AGBL4: variants seen among roughly 807,000 people sequenced by gnomAD.
The protein encoded by AGBL4 is cytosolic carboxypeptidase 6.
A neutral mutation model predicts 66.4 loss-of-function variants in AGBL4; 58 were observed. That is an observed-to-expected ratio of 0.87 (90% confidence interval 0.71 to 1.09). The LOEUF is 1.09. Among genes scored for constraint, AGBL4 ranks in the 50% least tolerant of loss-of-function variants. AGBL4 has a pLI of 0.00. For missense variants in AGBL4, 579 were observed against 631.0 expected (o/e 0.92, Z 0.88); for synonymous variants, 234 against 222.9 (o/e 1.05, Z -0.44).
intron 3 of AGBL4, among the ~76,000 whole-genome samples, chr1:49,344,927 C>A (rs998977246): frequency 1.3e-5 from 2 of 152,132 alleles, no homozygotes; most frequent in Non-Finnish European, 2.9e-5. Flanking sequence ...TTTGAGTTAT[C>A]ATTTTGGCTA....
At chr1:48,842,567 CT>C (rs2148798057) in intron 6 of AGBL4, among the ~76,000 whole-genome samples, 1 of 152,260 alleles carries the variant, frequency 6.6e-6, no homozygotes, top group South Asian at 2.1e-4. Context: ...ATCATATTCC[CT>C]TTCACAGGGA....
At chr1:49,006,002 A>G (rs978216266) in intron 5 of AGBL4, among the ~76,000 whole-genome samples, 2 of 149,232 alleles carry the variant, frequency 1.3e-5, no homozygotes, top group African/African-American at 4.9e-5. Flanking sequence ...CTCCGTCTCA[A>G]AAAAAAAAAG....
intron 3 of AGBL4, among the ~76,000 whole-genome samples, chr1:49,328,262 T>G (rs1306050098): frequency 2.0e-5 from 3 of 152,224 alleles, no homozygotes; most frequent in Non-Finnish European, 2.9e-5. Context: ...ATTTCAAGTT[T>G]CAATTTCACT....
intron 4 of AGBL4, among the ~76,000 whole-genome samples, chr1:49,144,484 G>GC (rs1646177759): frequency 6.6e-6 from 1 of 150,896 alleles, no homozygotes; most frequent in Non-Finnish European, 1.5e-5. Context: ...ATGCTTAAAG[G>GC]CCCAGCTCAC....
At chr1:49,696,058 T>C (rs1646977275) in intron 3 of AGBL4, among the ~76,000 whole-genome samples, 1 of 152,044 alleles carries the variant, frequency 6.6e-6, no homozygotes, top group African/African-American at 2.4e-5. Context: ...CTAAACTCCC[T>C]AGGAGAAGCT....
At chr1:49,582,168 T>G (rs1478458381) in intron 3 of AGBL4, among the ~76,000 whole-genome samples, 1 of 152,056 alleles carries the variant, frequency 6.6e-6, no homozygotes, top group Non-Finnish European at 1.5e-5. Flanking sequence ...TCTTAGAAGA[T>G]GGAAAAAAAC....
At position 49,955,085 on chromosome 1, in the gene AGBL4, T is replaced by C. The variant is rs150151122; in HGVS notation, c.34+68678A>G. ...AATTTTATTATTACATATAAGAGTA[T>C]ATAAGACCCAACTGCAGTTGTGACT... On this transcript the variant is annotated intron_variant, in intron 1 of 13. Coordinates refer to ENST00000371839, the MANE Select transcript of AGBL4 (RefSeq NM_032785.4). Among the ~76,000 whole-genome samples, 8 of 152,054 alleles carry C rather than the reference T, an allele frequency of 5.3e-5. No homozygotes were observed. In the East Asian group the frequency reaches 1.2e-3, roughly 22 times the overall value.
chr1:49,965,183 A>G (rs1465477807), intron 1 of AGBL4, among the ~76,000 whole-genome samples: 2 of 152,202 alleles, frequency 1.3e-5, no homozygotes, highest in Non-Finnish European at 2.9e-5. Flanking sequence ...TCAATTTCTC[A>G]CAATCCCATG....
chr1:49,815,221 G>T (rs902039366), intron 2 of AGBL4, among the ~76,000 whole-genome samples: 4 of 152,020 alleles, frequency 2.6e-5, no homozygotes, highest in African/African-American at 9.7e-5. Flanking sequence ...CTAACTTCAT[G>T]ACTTCAATTA....
intron 1 of AGBL4, among the ~76,000 whole-genome samples, chr1:49,918,333 C>T (rs764922735): frequency 8.6e-5 from 13 of 152,038 alleles, no homozygotes; most frequent in South Asian, 2.1e-4. Context: ...AGTGATAGAC[C>T]GCTAGCAAGA....
intron 2 of AGBL4, among the ~76,000 whole-genome samples, chr1:49,762,774 T>C (rs1347690126): frequency 1.3e-5 from 2 of 152,220 alleles, no homozygotes; most frequent in Non-Finnish European, 2.9e-5. Context: ...AAATTCTTTA[T>C]ATAGTCTGTT....
At chr1:49,884,469 A>G (rs1647798690) in intron 1 of AGBL4, among the ~76,000 whole-genome samples, 1 of 151,950 alleles carries the variant, frequency 6.6e-6, no homozygotes, top group Non-Finnish European at 1.5e-5. Flanking sequence ...TAAAGTATAA[A>G]GAAAGATTTG....
chr1:49,343,347 T>TG (rs1372953074), intron 3 of AGBL4, among the ~76,000 whole-genome samples: 1 of 152,172 alleles, frequency 6.6e-6, no homozygotes, highest in Non-Finnish European at 1.5e-5. Flanking sequence ...GCATTGCATT[T>TG]GGGGGGTATC....
intron 5 of AGBL4, among the ~76,000 whole-genome samples, chr1:48,889,470 T>C (rs1650699058): frequency 6.6e-6 from 1 of 152,188 alleles, no homozygotes; most frequent in Admixed American, 6.5e-5. Context: ...CCAGAGCTTA[T>C]TAGAAAATAT....
intron 3 of AGBL4, among the ~76,000 whole-genome samples, chr1:49,447,121 G>A (rs1646175314): frequency 6.6e-6 from 1 of 152,094 alleles, no homozygotes; most frequent in African/African-American, 2.4e-5. Flanking sequence ...CCATGCATGA[G>A]CCTGAGCACA....
At chr1:49,681,622 G>T (rs1646694897) in intron 3 of AGBL4, among the ~76,000 whole-genome samples, 1 of 152,068 alleles carries the variant, frequency 6.6e-6, no homozygotes, top group South Asian at 2.1e-4. Context: ...AATGTTCAGG[G>T]TTTTAGTTGC....
chr1:49,334,531 C>G (rs1274916347), intron 3 of AGBL4, among the ~76,000 whole-genome samples: 1 of 152,174 alleles, frequency 6.6e-6, no homozygotes, highest in Non-Finnish European at 1.5e-5. Context: ...ACTGTCCCAG[C>G]TAATCCGAGT....
At position 49,398,333 on chromosome 1, in the gene AGBL4, TTCTCTCTCTCTCTC is replaced by T. The variant is rs36025670; in HGVS notation, c.283-152483_283-152470del. Among the ~76,000 whole-genome samples the T allele has an allele frequency of 1.3e-4, 18 of 143,652 alleles. No homozygotes were observed. In the South Asian group the frequency reaches 2.7e-3, roughly 22 times the overall value. The allele number at this position is 143,652 out of a possible 152,430, so 94.2% of individuals were successfully genotyped here. On this transcript the variant is annotated intron_variant, in intron 3 of 13. Transcript: ENST00000371839. ...TCAGTCTCTCTCTCCCTCTCTCTCT[TTCTCTCTCTCTCTC>T]TCTCTCTCTCTCTCTCTCTCGCTCC... is the stretch of plus-strand genomic sequence containing the variant.
At chr1:49,323,437 A>G (rs546055628) in intron 3 of AGBL4, among the ~76,000 whole-genome samples, 1 of 145,434 alleles carries the variant, frequency 6.9e-6, no homozygotes, top group East Asian at 2.0e-4. Flanking sequence ...GCACGCCGCC[A>G]TGCCTGGCTA....
Sources: allele counts gnomAD v4.1 joint callset (sites outside exome capture counted in the v4.1 genomes callset), GRCh38; gene constraint gnomAD v4.1.1; transcripts MANE v1.5; gene names NCBI Gene and HGNC (gene_info 2026-07-23, HGNC 2026-07-21).